Variants in KLHL29 observed in about 807,000 individuals in gnomAD.
KLHL29 encodes kelch like family member 29.
A neutral mutation model predicts 80.4 loss-of-function variants in KLHL29; 21 were observed. The ratio of observed to expected loss-of-function variants is 0.26; its 90% CI spans 0.19 to 0.38. The LOEUF (loss-of-function observed/expected upper bound fraction) is 0.38. KLHL29 is among the 10% of genes least tolerant of loss of function. KLHL29 has a pLI of 1.00. For synonymous variants in KLHL29, 511 were observed against 526.8 expected (o/e 0.97, Z 0.41); for missense variants, 867 against 1,223.9 (o/e 0.71, Z 4.35).
rs150417431 is a variant in KLHL29, at chr2:23,547,019, C to T, written c.-45-15133C>T. ...CTGCCAGGGTGTGAACCATCAGAGC[C>T]GCCTGAGGGAGCATTTCCAGCAGAG... is the stretch of plus-strand genomic sequence containing the variant. On this transcript the variant is annotated intron_variant, in intron 2 of 13. Coordinates refer to ENST00000486442, the MANE Select transcript of KLHL29 (RefSeq NM_052920.2). Among the ~76,000 whole-genome samples, 688 of 152,304 alleles carry T rather than the reference C, an allele frequency of 4.5e-3. 6 individuals carry two copies. Among genetic ancestry groups the T allele is most frequent in the African/African-American group, 0.015 (636 of 41,562 alleles).
intron 2 of KLHL29, among the ~76,000 whole-genome samples, chr2:23,556,017 G>A (rs930193035): frequency 6.6e-6 from 1 of 152,220 alleles, no homozygotes; most frequent in African/African-American, 2.4e-5. Context: ...ATCAATGACC[G>A]AACATTCCAA....
intron 3 of KLHL29, among the ~76,000 whole-genome samples, chr2:23,601,548 C>T (rs191217524): frequency 1.3e-5 from 2 of 152,266 alleles, no homozygotes; most frequent in East Asian, 1.9e-4. Context: ...TGATTGCAAA[C>T]GAGACCAGGC....
At chr2:23,538,347 G>A (rs1295388391) in intron 2 of KLHL29, among the ~76,000 whole-genome samples, 1 of 152,210 alleles carries the variant, frequency 6.6e-6, no homozygotes, top group Admixed American at 6.5e-5. Flanking sequence ...AAGCCAGATG[G>A]CATGGGTGCA....
At chr2:23,599,735 G>A (rs995850086) in intron 3 of KLHL29, among the ~76,000 whole-genome samples, 4 of 152,108 alleles carry the variant, frequency 2.6e-5, no homozygotes, top group Non-Finnish European at 5.9e-5. Context: ...CAGCATTTTC[G>A]GTTCCGTGGA....
chr2:23,451,958 G>T (rs1663891254), intron 1 of KLHL29, among the ~76,000 whole-genome samples: 1 of 152,106 alleles, frequency 6.6e-6, no homozygotes, highest in South Asian at 2.1e-4. Context: ...AGGCGAAGAG[G>T]GAGCAGGCTG....
At chr2:23,577,478 G>A (rs1667872127) in intron 3 of KLHL29, among the ~76,000 whole-genome samples, 1 of 150,444 alleles carries the variant, frequency 6.6e-6, no homozygotes, top group South Asian at 2.1e-4. Context: ...CATGCGCGGT[G>A]GCTCACACCT....
chr2:23,643,728 GCC>G, intron 5 of KLHL29: 1 of 152,432 alleles, frequency 6.6e-6, no homozygotes, highest in Non-Finnish European at 1.5e-5. Context: ...CCCCAGACAA[GCC>G]AAGTCCCTGC....
chr2:23,609,574 G>A (rs1292644872), intron 3 of KLHL29, among the ~76,000 whole-genome samples: 2 of 152,072 alleles, frequency 1.3e-5, no homozygotes, highest in African/African-American at 4.8e-5. Context: ...GGATGCCTGT[G>A]TGGAGCCGGG....
At chr2:23,552,270 T>C (rs1297500637) in intron 2 of KLHL29, among the ~76,000 whole-genome samples, 5 of 152,222 alleles carry the variant, frequency 3.3e-5, no homozygotes, top group Non-Finnish European at 4.4e-5. Context: ...CAGAAGAAAC[T>C]TCTGGCCATG....
rs538370616 is a variant in KLHL29 at position 23,658,543 on chromosome 2, TC to T, written c.940+15695del. On this transcript the variant is annotated intron_variant, in intron 5 of 13. Coordinates refer to ENST00000486442, the MANE Select transcript of KLHL29 (RefSeq NM_052920.2). The stretch of plus-strand genomic sequence containing the variant: ...GCTCCTCTGCCCAGAGGCATGAGGC[TC>T]CGTTCTTCTGGGCCGAAGCAGTCTG... 1.1e-4 allele frequency among the ~76,000 whole-genome samples: 16 copies of T among 152,226 alleles called. No homozygotes were observed. The South Asian group carries it at 3.3e-3, about 32-fold the overall frequency.
In KLHL29 at chr2:23,695,143, C is replaced by G. The variant is rs1343465952; in HGVS notation, c.1543-480C>G. Among the ~76,000 whole-genome samples, 3 of 152,148 alleles carry G rather than the reference C, an allele frequency of 2.0e-5. No homozygotes were observed. The highest frequency in any genetic ancestry group is 1.9e-4 in the East Asian group (1 of 5,200). On this transcript the variant is annotated intron_variant, in intron 8 of 13. Transcript: ENST00000486442. This position sits in a 1 kb window ranked among gnomAD's most constrained non-coding sequence, Gnocchi z 7.6. ...CTGAAAGTTTTCGGTGCTGGAGAGA[C>G]ACAGGCTCCCACGGCTGAGACTTAC...
chr2:23,522,829 T>C (rs1340508105), intron 2 of KLHL29, among the ~76,000 whole-genome samples: 1 of 152,190 alleles, frequency 6.6e-6, no homozygotes, highest in African/African-American at 2.4e-5. Context: ...GACGTGCAGC[T>C]CTTCCCCTGC....
At chr2:23,395,264 GCCGTGAC>G (rs1572478446) in intron 1 of KLHL29, among the ~76,000 whole-genome samples, 1 of 152,162 alleles carries the variant, frequency 6.6e-6, no homozygotes, top group Admixed American at 6.5e-5. Context: ...TGCTGCTGTG[GCCGTGAC>G]CCATGGGTCC....
intron 5 of KLHL29, among the ~76,000 whole-genome samples, chr2:23,645,997 CAA>C (rs1218743910): frequency 6.6e-6 from 1 of 152,046 alleles, no homozygotes; most frequent in Admixed American, 6.5e-5. Flanking sequence ...ACTTACAAGA[CAA>C]ATCTTTCTTT....
At chr2:23,555,120 T>TCC (rs371301016) in intron 2 of KLHL29, among the ~76,000 whole-genome samples, 42 of 120,384 alleles carry the variant, frequency 3.5e-4, no homozygotes, top group African/African-American at 1.3e-3. Flanking sequence ...GAGGATGACC[T>TCC]CCCCCCCCCC....
At chr2:23,428,367 G>A (rs144294071) in intron 1 of KLHL29, among the ~76,000 whole-genome samples, 1 of 152,300 alleles carries the variant, frequency 6.6e-6, no homozygotes, top group Non-Finnish European at 1.5e-5. Flanking sequence ...TTAGGGTCTG[G>A]CATGGGTATA....
At chr2:23,515,530 C>T (rs11684307) in intron 2 of KLHL29, among the ~76,000 whole-genome samples, 1 of 152,220 alleles carries the variant, frequency 6.6e-6, no homozygotes, top group East Asian at 1.9e-4. Context: ...TTCCACAGCT[C>T]CTGTGTTTTT....
chr2:23,570,363 C>T (rs1033058137), intron 3 of KLHL29, among the ~76,000 whole-genome samples: 4 of 152,222 alleles, frequency 2.6e-5, no homozygotes, highest in African/African-American at 9.7e-5. Context: ...GTCTCAATAG[C>T]AGAAGGCCAG....
intron 2 of KLHL29, among the ~76,000 whole-genome samples, chr2:23,475,905 T>C (rs1395312311): frequency 6.6e-6 from 1 of 152,200 alleles, no homozygotes; most frequent in Non-Finnish European, 1.5e-5. Context: ...TATGACTCTT[T>C]TTGTTGTTGT....
Sources: allele counts gnomAD v4.1 joint callset (sites outside exome capture counted in the v4.1 genomes callset), GRCh38; gene constraint gnomAD v4.1.1; non-coding constraint Gnocchi (gnomAD v3.1); transcripts MANE v1.5; gene names NCBI Gene and HGNC (gene_info 2026-07-23, HGNC 2026-07-21).